Variants in TRERF1 observed in about 807,000 individuals in gnomAD.
TRERF1 encodes transcriptional-regulating factor 1.
Under a neutral mutation model 122.9 loss-of-function variants are expected in TRERF1, and 27 were observed. The observed-to-expected ratio is 0.22, with a 90% confidence interval of 0.16 to 0.30. TRERF1 has a LOEUF of 0.30. Ranked by LOEUF, TRERF1 falls within the 10% of genes least tolerant of loss-of-function variation. The pLI, the probability that TRERF1 is intolerant of heterozygous loss-of-function variation, is 1.00. For missense variants in TRERF1, 1,248 were observed against 1,560.3 expected, an observed-to-expected ratio of 0.80 and a Z score of 3.37; for synonymous variants, 636 against 641.7, an observed-to-expected ratio of 0.99 and a Z score of 0.13.
At position 42,268,908 on chromosome 6, in the gene TRERF1, G is replaced by T. The variant is rs776137402; in HGVS notation, c.683C>A (p.Thr228Asn). Residue 228 changes from threonine (T) to asparagine (N), a missense_variant, in exon 5 of 18, where the codon ACC (threonine) becomes AAC (asparagine). Around this residue, in one of 5 missense-constraint regions of TRERF1, gnomAD observed 946 missense variants for 1,073.0 expected, o/e 0.88. Coordinates refer to ENST00000372922, the Ensembl canonical transcript of TRERF1. This position sits in a 1 kb window ranked among gnomAD's most constrained non-coding sequence, Gnocchi z 4.4. The stretch of plus-strand genomic sequence containing the variant: ...GTAGTCATAATACAGGTGCCCTTGG[G>T]TAGGGTGCTGCCCGACCTGAAGAGC... 6.2e-7 allele frequency: 1 copy of T among 1,613,266 alleles called. No homozygotes were observed. Among genetic ancestry groups the T allele is most frequent in the South Asian group, 1.1e-5 (1 of 91,064 alleles).
chr6:42,320,056 T>A (rs1763144550), intron 3 of TRERF1, among the ~76,000 whole-genome samples: 1 of 151,768 alleles, frequency 6.6e-6, no homozygotes, highest in Non-Finnish European at 1.5e-5. Context: ...CACCCATCAC[T>A]ATGCCCAGCT....
chr6:42,362,182 T>C (rs1158659396), intron 3 of TRERF1, among the ~76,000 whole-genome samples: 1 of 152,136 alleles, frequency 6.6e-6, no homozygotes, highest in Non-Finnish European at 1.5e-5. Flanking sequence ...GAGCCACGTG[T>C]TTCCGACTGG....
At chr6:42,383,642 G>A (rs902422219) in intron 2 of TRERF1, among the ~76,000 whole-genome samples, 4 of 152,026 alleles carry the variant, frequency 2.6e-5, no homozygotes, top group African/African-American at 9.7e-5. Context: ...CCAAGAAAAT[G>A]GACTCGTTTT....
chr6:42,336,514 T>C (rs1157198417), intron 3 of TRERF1, among the ~76,000 whole-genome samples: 1 of 152,170 alleles, frequency 6.6e-6, no homozygotes, highest in Admixed American at 6.5e-5. Context: ...TTATTTCACC[T>C]ACTGAAGATG....
At chr6:42,299,234 CT>C (rs1785706024) in intron 4 of TRERF1, among the ~76,000 whole-genome samples, 5 of 151,586 alleles carry the variant, frequency 3.3e-5, no homozygotes, top group African/African-American at 1.2e-4. Flanking sequence ...ATCTATCTAT[CT>C]ATCTATCATC....
intron 2 of TRERF1, among the ~76,000 whole-genome samples, chr6:42,400,324 C>G (rs1173612272): frequency 1.3e-5 from 2 of 152,198 alleles, no homozygotes; most frequent in African/African-American, 4.8e-5. Context: ...AGCTGCGCAG[C>G]CCAGCATGCA....
intron 16 of TRERF1, 46 bp downstream of exon 16, chr6:42,236,159 T>C: frequency 6.6e-7 from 1 of 1,525,976 alleles, no homozygotes; most frequent in Non-Finnish European, 8.8e-7. Flanking sequence ...CACAGCTATA[T>C]GGCTCTCACT....
At chr6:42,278,218 G>A (rs1239803896) in intron 4 of TRERF1, among the ~76,000 whole-genome samples, 3 of 152,192 alleles carry the variant, frequency 2.0e-5, no homozygotes, top group East Asian at 1.9e-4. Context: ...TAGATCTGAC[G>A]ACTGTTTAGG....
intron 3 of TRERF1, among the ~76,000 whole-genome samples, chr6:42,357,091 G>A (rs1320786905): frequency 6.6e-6 from 1 of 151,966 alleles, no homozygotes; most frequent in Non-Finnish European, 1.5e-5. Flanking sequence ...AGCATTTTGG[G>A]AGGCCGAGGC....
At chr6:42,414,044 C>A (rs916736443) in intron 2 of TRERF1, among the ~76,000 whole-genome samples, 1 of 152,052 alleles carries the variant, frequency 6.6e-6, no homozygotes, top group African/African-American at 2.4e-5. Flanking sequence ...GCCACTGATA[C>A]AAGGAATTTT....
intron 4 of TRERF1, among the ~76,000 whole-genome samples, chr6:42,288,323 C>T (rs1190153902): frequency 2.6e-5 from 4 of 152,026 alleles, no homozygotes; most frequent in African/African-American, 9.7e-5. Flanking sequence ...AATCCCAGCA[C>T]TTTGGGAGGC....
At chr6:42,434,749 TGAGA>T (rs1449107624) in intron 2 of TRERF1, among the ~76,000 whole-genome samples, 1 of 146,898 alleles carries the variant, frequency 6.8e-6, no homozygotes, top group Non-Finnish European at 1.5e-5. Context: ...GAAATTAAGC[TGAGA>T]GAGAAGCATG....
intron 3 of TRERF1, among the ~76,000 whole-genome samples, chr6:42,313,659 G>A (rs982099311): frequency 1.3e-5 from 2 of 152,144 alleles, no homozygotes; most frequent in African/African-American, 4.8e-5. Flanking sequence ...CTGAGCCCCA[G>A]GAGTGGGATT....
chr6:42,439,788 C>T (rs1786152376), intron 2 of TRERF1, among the ~76,000 whole-genome samples: 2 of 152,168 alleles, frequency 1.3e-5, no homozygotes, highest in African/African-American at 2.4e-5. Context: ...GCCACTCAGT[C>T]TATTACATTT....
chr6:42,293,621 G>A (rs1360715784), intron 4 of TRERF1, among the ~76,000 whole-genome samples: 1 of 152,004 alleles, frequency 6.6e-6, no homozygotes, highest in Non-Finnish European at 1.5e-5. Context: ...CCTGAACCAA[G>A]TCTCTCCCTC....
intron 2 of TRERF1, among the ~76,000 whole-genome samples, chr6:42,430,761 G>A (rs1784375820): frequency 6.6e-6 from 1 of 152,142 alleles, no homozygotes; most frequent in South Asian, 2.1e-4. Context: ...GCCAGGCGTG[G>A]TGGTGCATGC....
chr6:42,230,865 A>G (rs1264684283), intron 17 of TRERF1, among the ~76,000 whole-genome samples: 1 of 152,222 alleles, frequency 6.6e-6, no homozygotes, highest in Non-Finnish European at 1.5e-5. Context: ...TAGAGCCAGG[A>G]GCACAAGGCC....
intron 3 of TRERF1, among the ~76,000 whole-genome samples, chr6:42,346,292 C>G (rs1396108792): frequency 3.3e-5 from 5 of 152,238 alleles, no homozygotes; most frequent in African/African-American, 1.2e-4. Flanking sequence ...GGGGGTGCTG[C>G]TTTGACCAGT....
intron 2 of TRERF1, among the ~76,000 whole-genome samples, chr6:42,418,744 A>G (rs1198466413): frequency 1.3e-5 from 2 of 152,028 alleles, no homozygotes; most frequent in Non-Finnish European, 2.9e-5. Context: ...CACCCAAACT[A>G]ATCAACTCAT....
Sources: allele counts gnomAD v4.1 joint callset (sites outside exome capture counted in the v4.1 genomes callset), GRCh38; gene constraint gnomAD v4.1.1; regional missense constraint gnomAD v4.1.1; non-coding constraint Gnocchi (gnomAD v3.1); transcripts MANE v1.5; gene names NCBI Gene and HGNC (gene_info 2026-07-23, HGNC 2026-07-21).